Variants in PLOD3 observed in about 807,000 individuals in gnomAD.
The protein encoded by PLOD3 is multifunctional procollagen lysine hydroxylase and glycosyltransferase LH3.
In PLOD3, 73 loss-of-function variants were observed where a neutral mutation model predicts 96.9. The ratio of observed to expected loss-of-function variants is 0.75; its 90% CI spans 0.62 to 0.92. The LOEUF is 0.92. Among genes scored for constraint, PLOD3 ranks in the 40% least tolerant of loss-of-function variants. The pLI is 0.00. For missense variants in PLOD3, 1,004 were observed against 1,004.3 expected (o/e 1.00, Z 0.00); for synonymous variants, 454 against 413.7 (o/e 1.10, Z -1.18).
At chr7:101,217,023 G>T in intron 1 of PLOD3, 143 bp downstream of exon 1, 1 of 970,778 alleles carries the variant, frequency 1.0e-6, no homozygotes, top group Non-Finnish European at 1.5e-6. Flanking sequence ...TGGGCGAGGG[G>T]CTTGGCGCGA....
In PLOD3 at chr7:101,213,145, T is replaced by A. The variant is rs1488918915; in HGVS notation, c.739A>T (p.Thr247Ser). 6.2e-7 allele frequency: 1 copy of A among 1,613,730 alleles called. No individual in the cohort carries two copies. Among genetic ancestry groups the A allele is most frequent in the African/African-American group, 1.3e-5 (1 of 74,988 alleles). ...TTTCCATGGACCACAATGGGGAGCG[T>A]GTCGTAGGCCACGTTCCGGATACGC... Reference protein sequence around the residue: ...RVRIRNVAYDTLPIVVHGNGP... With the variant: ...RVRIRNVAYDSLPIVVHGNGP... Residue 247 changes from threonine (T) to serine (S), a missense_variant, in exon 7 of 19, where the codon ACG becomes TCG. Around this residue, in one of 5 missense-constraint regions of PLOD3, gnomAD observed 690 missense variants for 650.2 expected, o/e 1.06. Transcript: ENST00000223127.
rs747423129 is a variant in PLOD3, at chr7:101,206,415, G to A, written c.2083C>T (p.Arg695Cys). ...GGGGAGGAGATCACACAGTCGTAGC[G>A]CAGGAAGCGGCAGCCACCTCCCTGG... Reference protein sequence around the residue: ...DYEGGGCRFLRYDCVISSPRK... With the variant: ...DYEGGGCRFLCYDCVISSPRK... Residue 695 changes from arginine (R) to cysteine (C), a missense_variant, in exon 19 of 19, where the codon CGC becomes TGC. Physicochemically the swap from Arg to Cys is radical, Grantham distance 180. Coordinates refer to ENST00000223127, the MANE Select transcript of PLOD3 (RefSeq NM_001084.5). The A allele has an allele frequency of 1.9e-5, 30 of 1,609,520 alleles. No individual in the cohort carries two copies. Among genetic ancestry groups the A allele is most frequent in the Middle Eastern group, 3.3e-4 (2 of 6,080 alleles).
chr7:101,207,815 C>G (rs944887226), intron 16 of PLOD3, 91 bp from the exon 17 acceptor site: 11 of 1,373,198 alleles, frequency 8.0e-6, no homozygotes, highest in African/African-American at 2.8e-5. Context: ...CGTCCTCCAG[C>G]CTTCACACCT....
intron 12 of PLOD3, chr7:101,210,950 G>A: frequency 4.7e-6 from 2 of 429,874 alleles, no homozygotes; most frequent in South Asian, 4.6e-5. Context: ...GTGTGATCTT[G>A]GCTCACTGCA....
intron 16 of PLOD3, chr7:101,208,628 T>A (rs910671764): frequency 3.2e-5 from 17 of 529,006 alleles, no homozygotes; most frequent in Non-Finnish European, 5.0e-5. Flanking sequence ...GCTCGAGCAA[T>A]CCTCCCGCCT....
chr7:101,208,741 TC>T (rs753784166), intron 16 of PLOD3, 111 bp downstream of exon 16: 45 of 739,966 alleles, frequency 6.1e-5, no homozygotes, highest in Non-Finnish European at 9.2e-5. Context: ...AGGGTCTGCC[TC>T]CCCCCTGGGA....
intron 6 of PLOD3, 132 bp from the exon 7 acceptor site, chr7:101,213,336 G>A (rs570616636): frequency 5.3e-5 from 38 of 720,838 alleles, no homozygotes; most frequent in African/African-American, 4.2e-4. Flanking sequence ...AGTGTGGCTC[G>A]TTGTGGGCAG....
intron 1 of PLOD3, 118 bp downstream of exon 1, chr7:101,217,048 C>A: frequency 8.6e-7 from 1 of 1,160,444 alleles, no homozygotes; most frequent in Non-Finnish European, 1.2e-6. Flanking sequence ...GCCTCAAGAG[C>A]ACGCTGGGCG....
In PLOD3 at chr7:101,211,587, T is replaced by A. The variant is rs776635341; in HGVS notation, c.1358+4A>T. Reference sequence around the variant, plus strand: ...GCGGGGGGCTGCAGGCTGGCGGGACTCACACTCGCTTCCGCTGCACCAGCT... The same window carrying A: ...GCGGGGGGCTGCAGGCTGGCGGGACACACACTCGCTTCCGCTGCACCAGCT... On this transcript the variant is annotated splice_donor_region_variant and intron_variant, in intron 12 of 18. Transcript: ENST00000223127. 1 of 1,598,128 alleles carries A rather than the reference T, an allele frequency of 6.3e-7. No individual in the cohort carries two copies.
chr7:101,209,852 T>G (rs781473498), intron 15 of PLOD3: 54 of 478,462 alleles, frequency 1.1e-4, no homozygotes, highest in Middle Eastern at 1.1e-3. Context: ...CATTCTTCTT[T>G]TAAGATGTGA....
At chr7:101,214,150 G>T (rs1241522501) in intron 6 of PLOD3, among the ~76,000 whole-genome samples, 2 of 149,298 alleles carry the variant, frequency 1.3e-5, no homozygotes, top group African/African-American at 4.9e-5. Flanking sequence ...TTTTTGAGAA[G>T]GAATCTCACT....
At chr7:101,215,874 C>G in intron 5 of PLOD3, 34 bp downstream of exon 5, 1 of 1,421,942 alleles carries the variant, frequency 7.0e-7, no homozygotes, top group Non-Finnish European at 9.9e-7. Flanking sequence ...TCCCACAGAG[C>G]TGCGGGATGC....
chr7:101,209,063 T>A, intron 15 of PLOD3, 106 bp from the exon 16 acceptor site: 1 of 857,474 alleles, frequency 1.2e-6, no homozygotes, highest in Non-Finnish European at 2.0e-6. Context: ...GGGAAGGCTT[T>A]GTGAGAGCAG....
intron 15 of PLOD3, 81 bp from the exon 16 acceptor site, chr7:101,209,038 G>A: frequency 9.8e-7 from 1 of 1,016,296 alleles, no homozygotes; most frequent in Non-Finnish European, 1.6e-6. Flanking sequence ...GAATGGGAAG[G>A]GGCAGGGAGG....
chr7:101,217,206 T>C lies in PLOD3; in HGVS notation c.69A>G (p.Ser23=). The C allele has an allele frequency of 6.7e-7, 1 of 1,499,848 alleles. No homozygotes were observed. The highest frequency in any genetic ancestry group is 2.6e-5 in the East Asian group (1 of 38,656). 92.9% of individuals were successfully genotyped at this position (1,499,848 alleles called of 1,614,324 possible). Residue 23 remains serine (S), a synonymous_variant, in exon 1 of 19, where the codon TCA becomes TCG. Transcript: ENST00000223127. The stretch of plus-strand genomic sequence containing the variant: ...CTCGGCCCCGGGGCCGGTCGGAGGC[T>C]GAGGCCGCAGGGGGCAGCAGCAGCG... The part of the protein sequence containing the change: ...LLPLLLPPAA[S]ASDRPRGRDP...
In PLOD3 at chr7:101,207,735, C is replaced by T. The variant is rs781451665; in HGVS notation, c.1789-11G>A. 10 of 1,613,278 alleles carry T rather than the reference C, an allele frequency of 6.2e-6. No homozygotes were observed. Among genetic ancestry groups the T allele is most frequent in the Admixed American group, 3.3e-5 (2 of 59,978 alleles). ...AGCCAGCCTTGAATCCTGGGGGCGGCGGGCACTGAGCCACCCGCCCCTCCA... is the reference window on the plus strand; with the variant it reads ...AGCCAGCCTTGAATCCTGGGGGCGGTGGGCACTGAGCCACCCGCCCCTCCA... On this transcript the variant is annotated splice_polypyrimidine_tract_variant and intron_variant, in intron 16 of 18. Coordinates refer to ENST00000223127, the MANE Select transcript of PLOD3 (RefSeq NM_001084.5).
intron 15 of PLOD3, 58 bp from the exon 16 acceptor site, chr7:101,209,015 C>T: frequency 8.3e-7 from 1 of 1,204,448 alleles, no homozygotes; most frequent in Non-Finnish European, 1.2e-6. Flanking sequence ...GGGAAGGGGA[C>T]AGGCAGCAGG....
chr7:101,210,041 G>C, intron 15 of PLOD3, 52 bp downstream of exon 15: 2 of 1,106,910 alleles, frequency 1.8e-6, no homozygotes, highest in Non-Finnish European at 2.6e-6. Context: ...GGGCCCCCAA[G>C]AGGCGATGGC....
intron 16 of PLOD3, chr7:101,208,579 G>T: frequency 2.4e-6 from 1 of 424,446 alleles, no homozygotes; most frequent in Non-Finnish European, 4.5e-6. Flanking sequence ...TAGAGACAGG[G>T]TCTCGCTATG....
Sources: allele counts gnomAD v4.1 joint callset (sites outside exome capture counted in the v4.1 genomes callset), GRCh38; gene constraint gnomAD v4.1.1; regional missense constraint gnomAD v4.1.1; transcripts MANE v1.5; gene names NCBI Gene and HGNC (gene_info 2026-07-23, HGNC 2026-07-21).